Variants in COL4A2 observed in about 807,000 individuals in gnomAD.
COL4A2 encodes the protein collagen alpha-2(IV) chain.
COL4A2 carries 99 observed loss-of-function variants against 200.2 expected under a neutral mutation model. The ratio of observed to expected loss-of-function variants is 0.49; its 90% CI spans 0.42 to 0.58. The LOEUF (loss-of-function observed/expected upper bound fraction) is 0.58, where lower values mean the gene tolerates loss of function less well. Ranked by LOEUF, COL4A2 falls within the 20% of genes least tolerant of loss-of-function variation. The probability of loss-of-function intolerance (pLI) is 0.00; values close to 1 mark genes in which losing one functional copy is unlikely to be tolerated. For synonymous variants in COL4A2, 897 were observed against 900.6 expected, an observed-to-expected ratio of 1.00 and a Z score of 0.07; for missense variants, 1,950 against 2,314.1, an observed-to-expected ratio of 0.84 and a Z score of 3.23.
Position 110,508,014 on chromosome 13 carries a change from C to T in COL4A2, c.4674C>T (p.Ala1558=). The T allele has an allele frequency of 1.2e-6, 2 of 1,614,236 alleles. No individual in the cohort carries two copies. Among genetic ancestry groups the T allele is most frequent in the Non-Finnish European group, 1.7e-6 (2 of 1,180,042 alleles). Residue 1558 remains alanine (A), a synonymous_variant, in exon 47 of 48, where the codon GCC becomes GCT. Transcript: ENST00000360467. This position sits in a 1 kb window ranked among gnomAD's most constrained non-coding sequence, Gnocchi z 6.1. ...YCNPGDVCYY[A]SRNDKSYWLS... ...ACCCTGGTGATGTCTGCTACTATGC[C>T]AGCCGGAACGACAAGTCCTACTGGC...
At chr13:110,403,273 T>C (rs910506908) in intron 4 of COL4A2, among the ~76,000 whole-genome samples, 1 of 152,264 alleles carries the variant, frequency 6.6e-6, no homozygotes, top group South Asian at 2.1e-4. Flanking sequence ...TGTTTCTTGA[T>C]AAATTCCATC....
rs1002081689 is a variant in COL4A2, at chr13:110,341,278, C to T, written c.100-16194C>T. On this transcript the variant is annotated intron_variant, in intron 3 of 47. Transcript: ENST00000360467. ...CGCCCTGCACAAAGCTCTGTGTTCC[C>T]TGCTTTCTGTCATGTTCCCACCCAT... Among the ~76,000 whole-genome samples, 5 of 152,362 alleles carry T rather than the reference C, an allele frequency of 3.3e-5. No individual in the cohort carries two copies. In the East Asian group the frequency reaches 5.8e-4, roughly 18 times the overall value.
At chr13:110,375,215 C>T (rs934054418) in intron 4 of COL4A2, among the ~76,000 whole-genome samples, 2 of 152,164 alleles carry the variant, frequency 1.3e-5, no homozygotes, top group African/African-American at 2.4e-5. Flanking sequence ...TGTCCCAGCC[C>T]CTGGGTGAGC....
chr13:110,496,869 GTC>G, intron 40 of COL4A2, among the ~76,000 whole-genome samples: 1 of 149,524 alleles, frequency 6.7e-6, no homozygotes, highest in South Asian at 2.1e-4. Flanking sequence ...TCTAGGGTCA[GTC>G]CACCAGCACA....
chr13:110,452,323 C>T (rs557450038), intron 20 of COL4A2, among the ~76,000 whole-genome samples: 691 of 152,312 alleles, frequency 4.5e-3, no homozygotes, highest in Non-Finnish European at 6.4e-3. Flanking sequence ...CCCTCACGCC[C>T]GGCTAATTTT....
intron 4 of COL4A2, among the ~76,000 whole-genome samples, chr13:110,387,415 C>G (rs1016983606): frequency 6.6e-6 from 1 of 152,194 alleles, no homozygotes; most frequent in Non-Finnish European, 1.5e-5. Context: ...TTGTGATGCC[C>G]GGACATCACG....
intron 20 of COL4A2, among the ~76,000 whole-genome samples, chr13:110,454,326 C>T (rs1163636096): frequency 6.6e-6 from 1 of 152,184 alleles, no homozygotes; most frequent in African/African-American, 2.4e-5. Flanking sequence ...CCTCAGAGAG[C>T]CACTGTGTGC....
intron 7 of COL4A2, chr13:110,428,888 T>C (rs555589705): frequency 2.9e-4 from 80 of 278,320 alleles, no homozygotes; most frequent in African/African-American, 1.8e-3. Context: ...AGCTGAAACC[T>C]TGACAAAATT....
intron 34 of COL4A2, among the ~76,000 whole-genome samples, chr13:110,489,141 C>T (rs145169076): frequency 3.9e-5 from 6 of 152,164 alleles, no homozygotes; most frequent in East Asian, 1.9e-4. Flanking sequence ...GAGGCTGAGA[C>T]GGAAGGATGA....
chr13:110,416,308 G>A lies in COL4A2; in HGVS notation c.181-8426G>A, dbSNP rs61963220. ...CAGCTCCAGAATCTGCTTCCTCCTG[G>A]CCCTTTCCTCAGGTGCAGTCTGGGC... On this transcript the variant is annotated intron_variant, in intron 4 of 47. Transcript: ENST00000360467. Among the ~76,000 whole-genome samples the A allele has an allele frequency of 2.6e-3, 403 of 152,326 alleles. 1 individual carries two copies. Among genetic ancestry groups the A allele is most frequent in the Middle Eastern group, 6.8e-3 (2 of 294 alleles).
intron 4 of COL4A2, among the ~76,000 whole-genome samples, chr13:110,386,346 G>T (rs1878749258): frequency 1.3e-5 from 2 of 152,190 alleles, no homozygotes; most frequent in Admixed American, 1.3e-4. Context: ...ACAACTGCAG[G>T]ATTCACTTTG....
At chr13:110,492,533 A>AC (rs1883318242) in intron 38 of COL4A2, among the ~76,000 whole-genome samples, 1 of 152,104 alleles carries the variant, frequency 6.6e-6, no homozygotes, top group African/African-American at 2.4e-5. Context: ...TGCACGGGCC[A>AC]CCCCCGGGGC....
chr13:110,313,581 T>C, intron 3 of COL4A2, among the ~76,000 whole-genome samples: 1 of 26,666 alleles, frequency 3.8e-5, no homozygotes, highest in Admixed American at 2.9e-4. Context: ...GTGCCCCGTG[T>C]CCACCCGGCA....
rs528527356 is a variant in COL4A2, at chr13:110,453,991, A to C, written c.1340-3352A>C. On this transcript the variant is annotated intron_variant, in intron 20 of 47. Transcript: ENST00000360467. ...ATTCCTCTCTTGTTAACTACATTTC[A>C]TCCTGTTTTATAGGTTGCTACTGAT... Among the ~76,000 whole-genome samples, 50 of 152,314 alleles carry C rather than the reference A, an allele frequency of 3.3e-4. 1 individual carries two copies. In the South Asian group the frequency reaches 7.5e-3, roughly 23 times the overall value.
At chr13:110,448,393 C>T (rs561407874) in intron 18 of COL4A2, among the ~76,000 whole-genome samples, 3 of 152,274 alleles carry the variant, frequency 2.0e-5, no homozygotes, top group African/African-American at 7.2e-5. Context: ...TTCCCACAAG[C>T]GGATTCAGAA....
Position 110,307,774 on chromosome 13 carries a change from C to G in COL4A2, c.-44-86C>G. 7.8e-7 allele frequency: 1 copy of G among 1,288,264 alleles called. No individual in the cohort carries two copies. The allele number at this position is 1,288,264 out of a possible 1,614,324, so 79.8% of individuals were successfully genotyped here. ...GCATGCGGGCCGCGCACCGCGCTGT[C>G]CCCGCGTCTCGCGGACCGAGACCGG... On this transcript the variant is annotated intron_variant, in intron 1 of 47. Transcript: ENST00000360467. This position sits in a 1 kb window ranked among gnomAD's most constrained non-coding sequence, Gnocchi z 5.0.
rs551982537 is a variant in COL4A2, at chr13:110,343,697, A to G, written c.100-13775A>G. On this transcript the variant is annotated intron_variant, in intron 3 of 47. Coordinates refer to ENST00000360467, the MANE Select transcript of COL4A2 (RefSeq NM_001846.4). Reference sequence around the variant, plus strand: ...GGGCAGCGCAGCGCTGCTGTGTGCCAATGCAAACGGGGACCTTCCTTGCCT... The same window carrying G: ...GGGCAGCGCAGCGCTGCTGTGTGCCGATGCAAACGGGGACCTTCCTTGCCT... Among the ~76,000 whole-genome samples the G allele has an allele frequency of 6.6e-5, 10 of 152,354 alleles. No individual in the cohort carries two copies. The East Asian group carries it at 1.7e-3, about 26-fold the overall frequency.
At chr13:110,309,531 C>T (rs1884913880) in intron 3 of COL4A2, among the ~76,000 whole-genome samples, 1 of 152,238 alleles carries the variant, frequency 6.6e-6, no homozygotes, top group Non-Finnish European at 1.5e-5. Context: ...CCACATCGGG[C>T]TGTGTGTGCT....
chr13:110,402,549 C>A (rs1010780261), intron 4 of COL4A2, among the ~76,000 whole-genome samples: 13 of 152,350 alleles, frequency 8.5e-5, no homozygotes, highest in African/African-American at 2.4e-4. Flanking sequence ...CCAGGCTGGG[C>A]AAACTGGTCA....
Sources: gnomAD v4.1 joint callset for allele counts (sites outside exome capture counted in the v4.1 genomes callset) on GRCh38, gnomAD v4.1.1 for gene constraint, Gnocchi (gnomAD v3.1) non-coding constraint, MANE v1.5 for transcripts, NCBI Gene and HGNC (gene_info 2026-07-23, HGNC 2026-07-21) for gene names.